The following PTCSC3 variants were observed in gnomAD, a reference collection of about 807,000 sequenced individuals.
The protein encoded by PTCSC3 is papillary thyroid carcinoma susceptibility candidate 3, also known as papillary thyroid carcinoma susceptibility candidate 3 (non-protein coding).
intron 1 of PTCSC3, among the ~76,000 whole-genome samples, chr14:36,172,847 A>AATTTATGAC (rs1882213554): frequency 6.6e-6 from 1 of 152,140 alleles, no homozygotes; most frequent in South Asian, 2.1e-4. Flanking sequence ...CAGCCCTCTG[A>AATTTATGAC]ATTTATGACA....
At chr14:36,174,327 A>C (rs370927925) in intron 1 of PTCSC3, among the ~76,000 whole-genome samples, 27 of 152,080 alleles carry the variant, frequency 1.8e-4, no homozygotes, top group African/African-American at 6.5e-4. Context: ...TTGACTCTCT[A>C]TGTTAAGTCT....
chr14:36,136,581 T>C (rs866967124), intron 3 of PTCSC3, among the ~76,000 whole-genome samples: 2 of 152,042 alleles, frequency 1.3e-5, no homozygotes, highest in South Asian at 2.1e-4. Context: ...AGAGTAAGAA[T>C]GGAAGTATGA....
chr14:36,152,970 A>G (rs1206791102), intron 3 of PTCSC3, among the ~76,000 whole-genome samples: 1 of 152,166 alleles, frequency 6.6e-6, no homozygotes, highest in Non-Finnish European at 1.5e-5. Flanking sequence ...CTTCCAAAAG[A>G]GGACAGCTGT....
chr14:36,158,928 A>G (rs1881887882), intron 2 of PTCSC3, among the ~76,000 whole-genome samples: 1 of 152,176 alleles, frequency 6.6e-6, no homozygotes, highest in African/African-American at 2.4e-5. Context: ...CCTGAATTGC[A>G]GAACTTGTTA....
intron 1 of PTCSC3, among the ~76,000 whole-genome samples, chr14:36,167,451 G>T (rs1040492670): frequency 1.3e-5 from 2 of 152,132 alleles, no homozygotes; most frequent in African/African-American, 4.8e-5. Context: ...TTACAAAGAA[G>T]ACTGAACCCA....
intron 3 of PTCSC3, among the ~76,000 whole-genome samples, chr14:36,137,310 T>C (rs537539182): frequency 3.9e-5 from 6 of 152,254 alleles, no homozygotes; most frequent in African/African-American, 9.6e-5. Flanking sequence ...GGAAGAACAA[T>C]AGAATATGAG....
At chr14:36,143,788 T>C (rs2139090494) in intron 3 of PTCSC3, among the ~76,000 whole-genome samples, 1 of 144,064 alleles carries the variant, frequency 6.9e-6, no homozygotes, top group Admixed American at 6.9e-5. Flanking sequence ...TTTTATGGTT[T>C]TAGGTCTAAC....
At chr14:36,136,507 G>A (rs969128882) in intron 3 of PTCSC3, among the ~76,000 whole-genome samples, 1 of 152,140 alleles carries the variant, frequency 6.6e-6, no homozygotes, top group Non-Finnish European at 1.5e-5. Flanking sequence ...ATTATGAGGA[G>A]GCATGGGTAA....
At chr14:36,137,256 A>T (rs1881308827) in intron 3 of PTCSC3, among the ~76,000 whole-genome samples, 1 of 150,418 alleles carries the variant, frequency 6.6e-6, no homozygotes, top group South Asian at 2.1e-4. Context: ...GACATATTTT[A>T]GGTACAACAA....
intron 1 of PTCSC3, among the ~76,000 whole-genome samples, chr14:36,174,467 T>G (rs997672171): frequency 2.0e-5 from 3 of 152,192 alleles, no homozygotes; most frequent in African/African-American, 7.2e-5. Flanking sequence ...ATCATATTTT[T>G]GAGTCTTTTA....
chr14:36,163,548 G>T (rs1414645479), intron 1 of PTCSC3, among the ~76,000 whole-genome samples: 1 of 152,078 alleles, frequency 6.6e-6, no homozygotes, highest in African/African-American at 2.4e-5. Flanking sequence ...AATATAAGTG[G>T]ACTAACTTCC....
At chr14:36,141,869 T>G (rs1264347649) in intron 3 of PTCSC3, among the ~76,000 whole-genome samples, 1 of 152,218 alleles carries the variant, frequency 6.6e-6, no homozygotes, top group East Asian at 1.9e-4. Flanking sequence ...GTTATTGACT[T>G]TAATATATTA....
chr14:36,167,097 G>A (rs1182763227), intron 1 of PTCSC3, among the ~76,000 whole-genome samples: 1 of 152,108 alleles, frequency 6.6e-6, no homozygotes, highest in Non-Finnish European at 1.5e-5. Flanking sequence ...CAACTTTCTG[G>A]ATGTTAGAAC....
intron 1 of PTCSC3, among the ~76,000 whole-genome samples, chr14:36,166,238 C>T (rs1882084254): frequency 6.6e-6 from 1 of 152,150 alleles, no homozygotes; most frequent in Non-Finnish European, 1.5e-5. Context: ...TGCTCACACG[C>T]TTCCTCTGTC....
At chr14:36,140,814 A>G (rs1393642524) in intron 3 of PTCSC3, among the ~76,000 whole-genome samples, 1 of 152,152 alleles carries the variant, frequency 6.6e-6, no homozygotes, top group Non-Finnish European at 1.5e-5. Flanking sequence ...CAAACCTTGG[A>G]TCATTTAGAT....
chr14:36,143,070 G>A (rs1452781365), intron 3 of PTCSC3, among the ~76,000 whole-genome samples: 1 of 151,576 alleles, frequency 6.6e-6, no homozygotes, highest in African/African-American at 2.4e-5. Context: ...TTGGACATTT[G>A]GGTTAGTTCC....
intron 3 of PTCSC3, among the ~76,000 whole-genome samples, chr14:36,151,577 T>C (rs934103083): frequency 1.3e-5 from 2 of 152,238 alleles, no homozygotes; most frequent in Non-Finnish European, 2.9e-5. Flanking sequence ...GATAATCTTA[T>C]ATTATTTTGT....
intron 3 of PTCSC3, among the ~76,000 whole-genome samples, chr14:36,151,216 G>A (rs992386055): frequency 3.9e-5 from 6 of 151,954 alleles, no homozygotes; most frequent in African/African-American, 1.2e-4. Flanking sequence ...CTCTTCTCTT[G>A]CTTGCATGGT....
chr14:36,150,466 G>GAAAT (rs1881695707), intron 3 of PTCSC3, among the ~76,000 whole-genome samples: 1 of 152,168 alleles, frequency 6.6e-6, no homozygotes, highest in South Asian at 2.1e-4. Context: ...AGAACAGTAA[G>GAAAT]AAATAAACTT....
Sources: gnomAD v4.1 joint callset for allele counts (sites outside exome capture counted in the v4.1 genomes callset) on GRCh38, gnomAD v4.1.1 for gene constraint, MANE v1.5 for transcripts, NCBI Gene and HGNC (gene_info 2026-07-23, HGNC 2026-07-21) for gene names.